SNX13: variants seen among roughly 807,000 people sequenced by gnomAD.
SNX13 encodes the protein sorting nexin 13, also known as sorting nexin-13.
SNX13 carries 45 observed loss-of-function variants against 133.6 expected under a neutral mutation model. The observed-to-expected ratio is 0.34, with a 90% confidence interval of 0.27 to 0.43. The LOEUF is 0.43. Ranked by LOEUF, SNX13 falls within the 20% of genes least tolerant of loss-of-function variation. SNX13 has a pLI of 1.00. For missense variants in SNX13, 1,032 were observed against 1,145.1 expected (o/e 0.90, Z 1.43); for synonymous variants, 414 against 373.9 (o/e 1.11, Z -1.24).
chr7:17,902,406 T>C (rs1797935452), intron 1 of SNX13, among the ~76,000 whole-genome samples: 1 of 152,178 alleles, frequency 6.6e-6, no homozygotes, highest in South Asian at 2.1e-4. Context: ...TAACTTCAAA[T>C]GTTAAACTGT....
In SNX13 at chr7:17,875,796, A is replaced by C; in HGVS notation, c.441-6T>G. On this transcript the variant is annotated splice_region_variant and splice_polypyrimidine_tract_variant and intron_variant, in intron 5 of 25. Transcript: ENST00000428135. ...GCCAGTCTATTTCTTTTGACCTTAT[A>C]AAAAACACATTACATAAAAGGATTA... is the stretch of plus-strand genomic sequence containing the variant. 1 of 1,578,130 alleles carries C rather than the reference A, an allele frequency of 6.3e-7. No homozygotes were observed. The highest frequency in any genetic ancestry group is 8.6e-7 in the Non-Finnish European group (1 of 1,162,050).
chr7:17,879,231 C>T lies in SNX13; in HGVS notation c.441-3441G>A, dbSNP rs28675067. On this transcript the variant is annotated intron_variant, in intron 5 of 25. Coordinates refer to ENST00000428135, the MANE Select transcript of SNX13 (RefSeq NM_015132.5). ...TTTGTTCTTTTTCAATAGAGTCTCG[C>T]TATGTTGTCCAGGCTGGAATGCCAT... is the stretch of plus-strand genomic sequence containing the variant. Among the ~76,000 whole-genome samples, 1,250 of 152,266 alleles carry T rather than the reference C, an allele frequency of 8.2e-3. 16 individuals carry two copies. Among genetic ancestry groups the T allele is most frequent in the African/African-American group, 0.028 (1,160 of 41,556 alleles).
chr7:17,915,508 A>C (rs1166568801), intron 1 of SNX13, among the ~76,000 whole-genome samples: 1 of 152,190 alleles, frequency 6.6e-6, no homozygotes, highest in Admixed American at 6.5e-5. Context: ...TCTCTCCCCC[A>C]TATAAACACC....
chr7:17,898,110 T>C (rs888950674), intron 1 of SNX13: 2 of 152,024 alleles, frequency 1.3e-5, no homozygotes, highest in African/African-American at 4.8e-5. Context: ...AGAATTATAC[T>C]GTTTTAGCCA....
At chr7:17,844,518 A>G (rs1295600827) in intron 12 of SNX13, among the ~76,000 whole-genome samples, 1 of 152,082 alleles carries the variant, frequency 6.6e-6, no homozygotes, top group East Asian at 1.9e-4. Flanking sequence ...TTTTCCAAAA[A>G]ATTAAACAGG....
chr7:17,921,299 T>C (rs976069031), intron 1 of SNX13, among the ~76,000 whole-genome samples: 1 of 152,194 alleles, frequency 6.6e-6, no homozygotes, highest in Non-Finnish European at 1.5e-5. Flanking sequence ...TTGTTCATCA[T>C]AGAGAGATAA....
At position 17,913,760 on chromosome 7, in the gene SNX13, C is replaced by CA. The variant is rs71010278; in HGVS notation, c.13-16315dup. 6.7e-3 allele frequency among the ~76,000 whole-genome samples: 362 copies of CA among 54,082 alleles called. 1 individual carries two copies. The highest frequency in any genetic ancestry group is 0.03 in the Admixed American group (148 of 4,916). The allele number at this position is 54,082 out of a possible 152,430, so 35.5% of individuals were successfully genotyped here. ...CCAAACAATAGCAAATTAACAAAAACAAAAAAAAAAAAAAAAAAAAAAGAA... is the reference window on the plus strand; with the variant it reads ...CCAAACAATAGCAAATTAACAAAAACAAAAAAAAAAAAAAAAAAAAAAAGAA... On this transcript the variant is annotated intron_variant, in intron 1 of 25. Coordinates refer to ENST00000428135, the MANE Select transcript of SNX13 (RefSeq NM_015132.5).
intron 1 of SNX13, among the ~76,000 whole-genome samples, chr7:17,916,139 C>T (rs1799536095): frequency 6.6e-6 from 1 of 152,072 alleles, no homozygotes; most frequent in Admixed American, 6.6e-5. Flanking sequence ...TGGGTTGCGA[C>T]AAACACAGTG....
intron 11 of SNX13, among the ~76,000 whole-genome samples, chr7:17,849,476 G>C (rs933478044): frequency 1.3e-5 from 2 of 152,056 alleles, no homozygotes; most frequent in Non-Finnish European, 2.9e-5. Context: ...TCTCCACAAA[G>C]AGTAAAGATA....
In SNX13 at chr7:17,891,242, A is replaced by G. The variant is rs1796593698; in HGVS notation, c.318+304T>C. On this transcript the variant is annotated intron_variant, in intron 4 of 25. Coordinates refer to ENST00000428135, the MANE Select transcript of SNX13 (RefSeq NM_015132.5). ...GAAAAAAAGTCTGATTTACCACACC[A>G]CTAAGCTTGTTCATCAACGAAAGAG... Among the ~76,000 whole-genome samples, 5 of 152,152 alleles carry G rather than the reference A, an allele frequency of 3.3e-5. No homozygotes were observed. In the South Asian group the frequency reaches 1.0e-3, roughly 32 times the overall value.
chr7:17,934,510 G>A (rs1251042480), intron 1 of SNX13, among the ~76,000 whole-genome samples: 1 of 152,160 alleles, frequency 6.6e-6, no homozygotes. Context: ...CTGGAGGTCT[G>A]CCTTCCATGT....
intron 9 of SNX13, among the ~76,000 whole-genome samples, chr7:17,864,845 GAGC>G (rs1449361396): frequency 2.0e-5 from 2 of 100,746 alleles, no homozygotes; most frequent in Admixed American, 9.9e-5. Flanking sequence ...GGAGGAGGAG[GAGC>G]AGCAGCAGCA....
In SNX13 at chr7:17,798,715, C is replaced by T. The variant is rs1218930810; in HGVS notation, c.2488G>A (p.Val830Ile). ...CTGAAACGTTTCACTGAGTCGGCTA[C>T]TTGTTCAGGTGAAGTCATCCAGTCA... is the stretch of plus-strand genomic sequence containing the variant. ...HVDWMTSPEQ[V>I]ADSVKRFRDA... Residue 830 changes from valine to isoleucine, a missense_variant, in exon 24 of 26, where the codon GTA (valine) becomes ATA (isoleucine). By Grantham distance (29) the Val-to-Ile change is conservative. Coordinates refer to ENST00000428135, the MANE Select transcript of SNX13 (RefSeq NM_015132.5). The T allele has an allele frequency of 6.3e-7, 1 of 1,577,020 alleles. No homozygotes were observed. The highest frequency in any genetic ancestry group is 2.3e-5 in the East Asian group (1 of 43,812).
intron 9 of SNX13, among the ~76,000 whole-genome samples, chr7:17,856,950 T>A (rs908333269): frequency 2.0e-5 from 3 of 151,898 alleles, no homozygotes; most frequent in African/African-American, 7.3e-5. Context: ...AAGATTGAGT[T>A]GAAAAGTGAT....
At chr7:17,867,672 G>A (rs924313276) in intron 9 of SNX13, among the ~76,000 whole-genome samples, 1 of 151,676 alleles carries the variant, frequency 6.6e-6, no homozygotes, top group African/African-American at 2.4e-5. Context: ...AATGCCTAAG[G>A]GAAATCAAAG....
intron 1 of SNX13, among the ~76,000 whole-genome samples, chr7:17,907,902 T>C (rs1460170899): frequency 6.6e-6 from 1 of 152,206 alleles, no homozygotes; most frequent in Non-Finnish European, 1.5e-5. Flanking sequence ...TTGAGTTTTC[T>C]AGTCCACCAT....
chr7:17,910,948 T>C (rs79348723), intron 1 of SNX13, among the ~76,000 whole-genome samples: 18,268 of 152,208 alleles, frequency 0.12, 1,267 homozygotes, highest in African/African-American at 0.17. Context: ...ATAAAAATGT[T>C]CTGACACTAA....
intron 1 of SNX13, among the ~76,000 whole-genome samples, chr7:17,921,296 T>C (rs1800101715): frequency 6.6e-6 from 1 of 152,202 alleles, no homozygotes. Flanking sequence ...TCCTTGTTCA[T>C]CATAGAGAGA....
At chr7:17,883,498 T>C (rs1795605428) in intron 5 of SNX13, among the ~76,000 whole-genome samples, 1 of 152,330 alleles carries the variant, frequency 6.6e-6, no homozygotes, top group African/African-American at 2.4e-5. Flanking sequence ...TAGTGAAATG[T>C]CTATTCAAAT....
Sources: gnomAD v4.1 joint callset for allele counts (sites outside exome capture counted in the v4.1 genomes callset) on GRCh38, gnomAD v4.1.1 for gene constraint, MANE v1.5 for transcripts, NCBI Gene and HGNC (gene_info 2026-07-23, HGNC 2026-07-21) for gene names.